PARVG: variants seen among roughly 807,000 people sequenced by gnomAD.
PARVG encodes the protein gamma-parvin.
Under a neutral mutation model 44.4 loss-of-function variants are expected in PARVG, and 36 were observed. The observed-to-expected ratio is 0.81, with a 90% CI of 0.62 to 1.07. PARVG has a LOEUF of 1.07. Ranked by LOEUF, PARVG falls within the 50% of genes least tolerant of loss-of-function variation. The pLI is 0.00. For synonymous variants in PARVG, 170 were observed against 174.1 expected (o/e 0.98, Z 0.19); for missense variants, 407 against 407.4 (o/e 1.00, Z 0.01).
At chr22:44,176,651 T>TC (rs2054321763), upstream of PARVG, among the ~76,000 whole-genome samples, 1 of 151,856 alleles carries the variant, frequency 6.6e-6, no homozygotes, top group South Asian at 2.1e-4. Flanking sequence ...AGGCTTTTTT[T>TC]TTTCTTTTAA....
intron 12 of PARVG, among the ~76,000 whole-genome samples, chr22:44,199,387 C>T (rs1462644676): frequency 6.6e-6 from 1 of 152,026 alleles, no homozygotes; most frequent in Non-Finnish European, 1.5e-5. Flanking sequence ...TTTATTGATC[C>T]ACCCAATTTA....
chr22:44,200,016 G>T (rs915243704), intron 12 of PARVG, among the ~76,000 whole-genome samples: 1 of 152,134 alleles, frequency 6.6e-6, no homozygotes, highest in Non-Finnish European at 1.5e-5. Context: ...GAGAGGGCAG[G>T]TGAGCCTGCA....
At chr22:44,191,694 C>T (rs769460094) in intron 7 of PARVG, among the ~76,000 whole-genome samples, 9 of 152,238 alleles carry the variant, frequency 5.9e-5, no homozygotes, top group Admixed American at 2.6e-4. Context: ...CCACCACACC[C>T]GGCTTTCTAC....
chr22:44,196,140 G>C lies in PARVG; in HGVS notation c.584-15G>C. 1 of 1,614,106 alleles carries C rather than the reference G, an allele frequency of 6.2e-7. No homozygotes were observed. The highest frequency in any genetic ancestry group is 2.2e-5 in the East Asian group (1 of 44,888). On this transcript the variant is annotated splice_polypyrimidine_tract_variant and intron_variant, in intron 9 of 13. Transcript: ENST00000444313. ...TAGCATCGTAATGAGGTGTTTATTGGATCTGTGTCTGCAGAGGACGTCTTT... is the reference window on the plus strand; with the variant it reads ...TAGCATCGTAATGAGGTGTTTATTGCATCTGTGTCTGCAGAGGACGTCTTT...
At chr22:44,175,170 T>A (rs1298836646) in intron 1 of PARVG, among the ~76,000 whole-genome samples, 1 of 152,204 alleles carries the variant, frequency 6.6e-6, no homozygotes, top group African/African-American at 2.4e-5. Flanking sequence ...GCCAATGCAC[T>A]GGTGTGAGCT....
intron 11 of PARVG, 128 bp downstream of exon 11, chr22:44,196,543 C>T: frequency 1.8e-6 from 2 of 1,139,608 alleles, no homozygotes; most frequent in Non-Finnish European, 1.3e-6. Context: ...GCCTTAGGGT[C>T]CCCCTCCCCG....
intron 12 of PARVG, among the ~76,000 whole-genome samples, chr22:44,202,005 G>A (rs1194904753): frequency 1.3e-5 from 2 of 152,262 alleles, no homozygotes; most frequent in African/African-American, 4.8e-5. Flanking sequence ...CCTGCAAAGT[G>A]TGTGGGTGCA....
At chr22:44,174,192 G>A (rs1415270710) in intron 1 of PARVG, among the ~76,000 whole-genome samples, 2 of 152,002 alleles carry the variant, frequency 1.3e-5, no homozygotes, top group East Asian at 3.9e-4. Flanking sequence ...GCCCAGAAAG[G>A]AGGGGTGCGG....
At chr22:44,185,576 TG>T in intron 3 of PARVG, 3 of 448,678 alleles carry the variant, frequency 6.7e-6, no homozygotes, top group Admixed American at 3.4e-5. Flanking sequence ...TAACTTTGAA[TG>T]TCAAGTAATC....
rs753587938 is a variant in PARVG at position 44,183,375 on chromosome 22, G to T, written c.46G>T (p.Val16Leu). ...CGACCTGCTGCAGCTCCCCAAGGGG[G>T]TGGAGCCCCCAGCGGAGGAGGAGCT... The part of the protein sequence containing the change: ...LYDLLQLPKG[V>L]EPPAEEELSK... Residue 16 changes from valine to leucine, a missense_variant, in exon 3 of 14, where the codon GTG becomes TTG. By Grantham distance (32) the Val-to-Leu change is conservative (BLOSUM62 1). Coordinates refer to ENST00000444313, the MANE Select transcript of PARVG (RefSeq NM_022141.7). The T allele has an allele frequency of 5.6e-6, 9 of 1,609,728 alleles. No homozygotes were observed. Among genetic ancestry groups the T allele is most frequent in the Non-Finnish European group, 5.9e-6 (7 of 1,178,720 alleles).
At chr22:44,190,739 G>A in intron 7 of PARVG, 73 bp downstream of exon 7, 7 of 1,313,060 alleles carry the variant, frequency 5.3e-6, no homozygotes, top group Non-Finnish European at 7.7e-6. Context: ...TACCCTGCAT[G>A]GGTGGAGCTG....
intron 9 of PARVG, among the ~76,000 whole-genome samples, chr22:44,195,419 C>T (rs2054605075): frequency 1.3e-5 from 2 of 152,212 alleles, no homozygotes; most frequent in Non-Finnish European, 2.9e-5. Context: ...CAAACTCAGG[C>T]CAGTCTGTGT....
At chr22:44,200,012 G>A (rs2054684553) in intron 12 of PARVG, among the ~76,000 whole-genome samples, 1 of 152,108 alleles carries the variant, frequency 6.6e-6, no homozygotes, top group Non-Finnish European at 1.5e-5. Flanking sequence ...GGGTGAGAGG[G>A]CAGGTGAGCC....
At chr22:44,190,961 G>A (rs879919459) in intron 7 of PARVG, among the ~76,000 whole-genome samples, 1 of 152,214 alleles carries the variant, frequency 6.6e-6, no homozygotes, top group Non-Finnish European at 1.5e-5. Context: ...TGAGGCCAGG[G>A]GCTGTCAGGC....
At position 44,196,435 on chromosome 22, in the gene PARVG, G is replaced by A. The variant is rs374543998; in HGVS notation, c.711+20G>A. The A allele has an allele frequency of 2.7e-5, 44 of 1,613,662 alleles. No homozygotes were observed. The Middle Eastern group carries it at 8.3e-4, about 30-fold the overall frequency. On this transcript the variant is annotated intron_variant, in intron 11 of 13. Transcript: ENST00000444313. ...ACCCAGGTAGGGACTGAGCTGCGGCGTCCCCAGGCAGGGCAGGGCCACTGG... is the reference window on the plus strand; with the variant it reads ...ACCCAGGTAGGGACTGAGCTGCGGCATCCCCAGGCAGGGCAGGGCCACTGG...
At chr22:44,185,378 C>T (rs1216966809) in intron 3 of PARVG, 1 of 160,128 alleles carries the variant, frequency 6.2e-6, no homozygotes, top group Non-Finnish European at 1.4e-5. Flanking sequence ...GCTGCTGGGC[C>T]TCTGAGGGCC....
chr22:44,192,454 A>G (rs1030483572), intron 8 of PARVG, among the ~76,000 whole-genome samples: 4 of 152,196 alleles, frequency 2.6e-5, no homozygotes, highest in African/African-American at 9.7e-5. Context: ...AGGCCCCTGC[A>G]TGGCCAGGGG....
In PARVG at chr22:44,182,349, C is replaced by T. The variant is rs1427428219; in HGVS notation, c.-13+432C>T. 6.6e-6 allele frequency among the ~76,000 whole-genome samples: 1 copy of T among 152,238 alleles called. No homozygotes were observed. Among genetic ancestry groups the T allele is most frequent in the South Asian group, 2.1e-4 (1 of 4,820 alleles). On this transcript the variant is annotated intron_variant, in intron 2 of 13. Coordinates refer to ENST00000444313, the MANE Select transcript of PARVG (RefSeq NM_022141.7). This position sits in a 1 kb window ranked among gnomAD's most constrained non-coding sequence, Gnocchi z 4.6. ...CTGGCCTGGGACCCAGGCTTCCTGA[C>T]GCCCAGGCCAGGCTCTTTCGTTTTC...
chr22:44,201,177 C>T (rs2054702647), intron 12 of PARVG, among the ~76,000 whole-genome samples: 1 of 152,200 alleles, frequency 6.6e-6, no homozygotes, highest in African/African-American at 2.4e-5. Flanking sequence ...TTCTCAGCTC[C>T]TCTGCAGTCC....
Sources: gnomAD v4.1 joint callset for allele counts (sites outside exome capture counted in the v4.1 genomes callset) on GRCh38, gnomAD v4.1.1 for gene constraint, Gnocchi (gnomAD v3.1) non-coding constraint, MANE v1.5 for transcripts, NCBI Gene and HGNC (gene_info 2026-07-23, HGNC 2026-07-21) for gene names.